Variants in LRRC53 observed in about 807,000 individuals in gnomAD.
The protein encoded by LRRC53 is leucine rich repeat containing 53, also known as leucine-rich repeat-containing protein 53.
LRRC53 carries 25 observed loss-of-function variants against 13.6 expected under a neutral mutation model. The observed-to-expected ratio is 1.83, with a 90% CI of 1.34 to 2.56. The LOEUF (loss-of-function observed/expected upper bound fraction) is 2.56, where lower values mean the gene tolerates loss of function less well. LRRC53 is among the 30% of genes most tolerant of loss of function. The pLI, the probability that LRRC53 is intolerant of heterozygous loss-of-function variation, is 0.00. For missense variants in LRRC53, 527 were observed against 275.8 expected (o/e 1.91, Z -6.45); for synonymous variants, 204 against 109.8 (o/e 1.86, Z -5.37).
At chr1:74,503,205 C>T (rs1669724560) in intron 1 of LRRC53, among the ~76,000 whole-genome samples, 1 of 151,952 alleles carries the variant, frequency 6.6e-6, no homozygotes, top group Non-Finnish European at 1.5e-5. Flanking sequence ...TTTTTCAGGG[C>T]CAGAAATGAA....
intron 1 of LRRC53, among the ~76,000 whole-genome samples, chr1:74,497,316 T>A (rs72977487): frequency 0.028 from 4,257 of 152,054 alleles, 186 homozygotes; most frequent in African/African-American, 0.097. Context: ...TCACCCCAGG[T>A]CAAATACTCC....
At chr1:74,506,621 C>T (rs935592452) in intron 1 of LRRC53, among the ~76,000 whole-genome samples, 1 of 152,172 alleles carries the variant, frequency 6.6e-6, no homozygotes. Context: ...TCTGGCATCA[C>T]CTAGGAGCTT....
intron 1 of LRRC53, among the ~76,000 whole-genome samples, chr1:74,496,810 G>A (rs777366826): frequency 6.6e-5 from 10 of 152,158 alleles, no homozygotes; most frequent in Non-Finnish European, 1.2e-4. Flanking sequence ...GCATGTGGCA[G>A]TTGCTCCTCC....
intron 1 of LRRC53, among the ~76,000 whole-genome samples, chr1:74,485,655 G>A (rs1668720246): frequency 6.6e-6 from 1 of 152,180 alleles, no homozygotes; most frequent in Admixed American, 6.6e-5. Flanking sequence ...AAGTGGGTCT[G>A]ACCTAACTGG....
the LRRC53 span, among the ~76,000 whole-genome samples, chr1:74,529,095 G>A: frequency 6.6e-6 from 1 of 152,148 alleles, no homozygotes; most frequent in Non-Finnish European, 1.5e-5. Context: ...ATAAATAAAT[G>A]ATAGAAGTAA....
chr1:74,535,501 T>C, the LRRC53 span, among the ~76,000 whole-genome samples: 3 of 151,964 alleles, frequency 2.0e-5, no homozygotes, highest in Non-Finnish European at 1.5e-5. Context: ...AATCACAGAA[T>C]GTAAGAAATG....
chr1:74,514,042 G>A (rs1171794758), upstream of LRRC53, among the ~76,000 whole-genome samples: 1 of 152,128 alleles, frequency 6.6e-6, no homozygotes, highest in Non-Finnish European at 1.5e-5. Flanking sequence ...GCCAGTAAAC[G>A]ATAACTGCGT....
intron 3 of LRRC53, among the ~76,000 whole-genome samples, chr1:74,478,246 T>C (rs150098651): frequency 3.3e-5 from 5 of 152,278 alleles, no homozygotes; most frequent in African/African-American, 1.2e-4. Context: ...AGCACTACAA[T>C]TTAACAATTA....
chr1:74,489,161 G>A, intron 1 of LRRC53: 1 of 1,592,198 alleles, frequency 6.3e-7, no homozygotes, highest in Non-Finnish European at 8.5e-7. Context: ...TATTCTTAAG[G>A]GAAAAAAGTT....
upstream of LRRC53, among the ~76,000 whole-genome samples, chr1:74,513,359 G>A (rs533423064): frequency 6.6e-6 from 1 of 152,314 alleles, no homozygotes; most frequent in South Asian, 2.1e-4. Flanking sequence ...GAAATGTTGG[G>A]GATGCAGGGG....
chr1:74,493,071 A>G (rs1164485428), intron 1 of LRRC53, among the ~76,000 whole-genome samples: 1 of 152,132 alleles, frequency 6.6e-6, no homozygotes, highest in Non-Finnish European at 1.5e-5. Flanking sequence ...TATCTCCTTA[A>G]AGGCCTTCTC....
At chr1:74,521,259 C>A in the LRRC53 span, among the ~76,000 whole-genome samples, 1 of 152,018 alleles carries the variant, frequency 6.6e-6, no homozygotes. Flanking sequence ...GCGATCTTGC[C>A]CAAGCTCATT....
chr1:74,469,667 T>G lies in LRRC53; in HGVS notation c.*211A>C. The G allele has an allele frequency of 2.7e-6, 1 of 375,676 alleles. No homozygotes were observed. The highest frequency in any genetic ancestry group is 3.8e-5 in the East Asian group (1 of 26,410). The allele number at this position is 375,676 out of a possible 1,614,324, so 23.3% of individuals were successfully genotyped here. ...TCATTCCTTAGAGAAGCATACTCAG[T>G]TAATTGTGTCAGACGTATCCTATGA... On this transcript the variant is annotated 3_prime_UTR_variant, in exon 5 of 5. Coordinates refer to ENST00000294635, the MANE Select transcript of LRRC53 (RefSeq NM_001382280.1).
At chr1:74,489,049 C>T (rs908378336) in intron 1 of LRRC53, 46 of 640,584 alleles carry the variant, frequency 7.2e-5, no homozygotes, top group Non-Finnish European at 9.3e-5. Flanking sequence ...ATTAACACTT[C>T]AATAAAAGTG....
Position 74,480,386 on chromosome 1 carries a change from G to A in LRRC53, c.671C>T (p.Pro224Leu), listed in dbSNP as rs1668426911. The A allele has an allele frequency of 2.8e-6, 2 of 717,440 alleles. No homozygotes were observed. The highest frequency in any genetic ancestry group is 5.2e-6 in the Non-Finnish European group (2 of 385,116). 44.4% of individuals were successfully genotyped at this position (717,440 alleles called of 1,614,324 possible). The change falls in exon 3 of 5, where the codon CCC becomes CTC. Residue 224 changes from proline (P) to leucine (L), a missense_variant. Transcript: ENST00000294635. ...GTAGTTTCTTAAAAACCGAGCAAGGGGATGGAGATCACAAGTGCAGCTCCA... is the reference window on the plus strand; with the variant it reads ...GTAGTTTCTTAAAAACCGAGCAAGGAGATGGAGATCACAAGTGCAGCTCCA... ...NQWSCTCDLH[P>L]LARFLRNYIK...
chr1:74,485,379 G>A lies in LRRC53; in HGVS notation c.-26-2004C>T, dbSNP rs11210464. On this transcript the variant is annotated intron_variant, in intron 1 of 4. Coordinates refer to ENST00000294635, the MANE Select transcript of LRRC53 (RefSeq NM_001382280.1). ...TTTAGTCCTACCTGGCCGGTTAGTC[G>A]GCCTCATGGATGTGTGGTTCAGGGG... Among the ~76,000 whole-genome samples the A allele has an allele frequency of 4.2e-3, 641 of 152,234 alleles. 6 individuals are homozygous for A. The highest frequency in any genetic ancestry group is 0.015 in the African/African-American group (616 of 41,552).
chr1:74,498,191 C>A (rs1669431962), intron 1 of LRRC53, among the ~76,000 whole-genome samples: 1 of 152,170 alleles, frequency 6.6e-6, no homozygotes, highest in African/African-American at 2.4e-5. Flanking sequence ...CCCATAAACA[C>A]CCCATGTTTA....
intron 1 of LRRC53, among the ~76,000 whole-genome samples, chr1:74,504,599 G>A (rs1019683618): frequency 6.6e-5 from 10 of 152,022 alleles, no homozygotes; most frequent in African/African-American, 2.4e-4. Flanking sequence ...TAAAAGTCAA[G>A]ATATGAGAAG....
intron 3 of LRRC53, among the ~76,000 whole-genome samples, chr1:74,476,544 T>G (rs1482861225): frequency 6.6e-6 from 1 of 152,036 alleles, no homozygotes; most frequent in Non-Finnish European, 1.5e-5. Context: ...TGTCCACAAC[T>G]CTGAGACAAA....
Sources: gnomAD v4.1 joint callset for allele counts (sites outside exome capture counted in the v4.1 genomes callset) on GRCh38, gnomAD v4.1.1 for gene constraint, MANE v1.5 for transcripts, NCBI Gene and HGNC (gene_info 2026-07-23, HGNC 2026-07-21) for gene names.